LRRC9: variants seen among roughly 807,000 people sequenced by gnomAD.
LRRC9 encodes leucine rich repeat containing 9.
A neutral mutation model predicts 63.2 loss-of-function variants in LRRC9; 122 were observed. That is an observed-to-expected ratio of 1.93 (90% CI 1.67 to 2.24). The LOEUF is 2.24. LRRC9 is among the 30% of genes most tolerant of loss of function. The pLI is 0.00. For synonymous variants in LRRC9, 366 were observed against 213.1 expected (o/e 1.72, Z -6.25); for missense variants, 1,071 against 627.7 (o/e 1.71, Z -7.55).
chr14:60,031,334 A>T lies in LRRC9; in HGVS notation c.3922-661A>T, dbSNP rs1212479765. 6.6e-6 allele frequency among the ~76,000 whole-genome samples: 1 copy of T among 152,186 alleles called. No homozygotes were observed. The highest frequency in any genetic ancestry group is 2.1e-4 in the South Asian group (1 of 4,832). On this transcript the variant is annotated intron_variant, in intron 28 of 31. Coordinates refer to ENST00000445360, the Ensembl canonical transcript of LRRC9. The surrounding 1 kb of genome is among the most constrained non-coding windows in gnomAD (Gnocchi z 4.6). ...ACAAAGGAATACAGGCATGTCAATA[A>T]CTTTGTTGTGTTATATGAACTAGCA...
At chr14:60,023,522 A>G (rs557615774) in intron 27 of LRRC9, among the ~76,000 whole-genome samples, 2 of 113,856 alleles carry the variant, frequency 1.8e-5, no homozygotes, top group Admixed American at 2.1e-4. Context: ...TGATGAGAAC[A>G]AAGAATATGC....
At chr14:59,960,374 C>A (rs1313710374) in intron 9 of LRRC9, among the ~76,000 whole-genome samples, 4 of 152,170 alleles carry the variant, frequency 2.6e-5, no homozygotes, top group African/African-American at 9.7e-5. Flanking sequence ...GAAACAAGTT[C>A]AGGCTCAGTT....
At chr14:60,000,155 A>G (rs916730915) in intron 19 of LRRC9, among the ~76,000 whole-genome samples, 1 of 152,172 alleles carries the variant, frequency 6.6e-6, no homozygotes, top group African/African-American at 2.4e-5. Context: ...ACATGGATGC[A>G]GCTGGAGACC....
At chr14:60,059,105 CT>C (rs1289320296) in intron 31 of LRRC9, 1 of 152,138 alleles carries the variant, frequency 6.6e-6, no homozygotes, top group African/African-American at 2.4e-5. Context: ...CAGATACTAA[CT>C]TCCTTCTCAG....
intron 26 of LRRC9, among the ~76,000 whole-genome samples, chr14:60,021,099 C>G (rs1891083942): frequency 6.6e-6 from 1 of 151,886 alleles, no homozygotes; most frequent in African/African-American, 2.4e-5. Context: ...CACCATTTTT[C>G]ATTATCACCA....
At chr14:60,024,985 A>G (rs1891415160) in intron 27 of LRRC9, among the ~76,000 whole-genome samples, 1 of 151,936 alleles carries the variant, frequency 6.6e-6, no homozygotes, top group Non-Finnish European at 1.5e-5. Flanking sequence ...AGGCTGTGGT[A>G]GAGGGCATGA....
At chr14:60,064,517 C>A (rs147666052), downstream of LRRC9, among the ~76,000 whole-genome samples, 41 of 152,118 alleles carry the variant, frequency 2.7e-4, no homozygotes, top group African/African-American at 9.4e-4. Flanking sequence ...TTGTATTTTT[C>A]TTTTTAAATG....
chr14:59,997,720 T>G lies in LRRC9; in HGVS notation c.2276T>G (p.Leu759Arg), dbSNP rs1196414547. 7.1e-6 allele frequency: 5 copies of G among 702,692 alleles called. No homozygotes were observed. In the East Asian group the frequency reaches 1.1e-4, roughly 15 times the overall value. 43.5% of individuals were successfully genotyped at this position (702,692 alleles called of 1,614,324 possible). ...ATAACCCTTGAGGGATTTAGAGGTCTGATGAAACTGAAGCACTTAGACTTG... is the reference window on the plus strand; with the variant it reads ...ATAACCCTTGAGGGATTTAGAGGTCGGATGAAACTGAAGCACTTAGACTTG... The change falls in exon 18 of 32, where the codon CTG becomes CGG. Residue 759 changes from leucine to arginine, a missense_variant. Leu to Arg is a moderately radical substitution (Grantham distance 102, BLOSUM62 -2). Transcript: ENST00000445360.
At chr14:59,981,949 T>C (rs1274248240) in exon 16 of LRRC9, 1 of 702,524 alleles carries the variant, frequency 1.4e-6, no homozygotes, top group African/African-American at 1.7e-5. Context: ...TGAAATTTGA[T>C]GATGAAGTTA....
At position 59,938,760 on chromosome 14, in the gene LRRC9, AT is replaced by A. The variant is rs1881322455; in HGVS notation, c.726+192del. Among the ~76,000 whole-genome samples, 1 of 151,540 alleles carries A rather than the reference AT, an allele frequency of 6.6e-6. No individual in the cohort carries two copies. Among genetic ancestry groups the A allele is most frequent in the East Asian group, 1.9e-4 (1 of 5,178 alleles). ...TAATAATATTAATACTAGAATCTTA[AT>A]TTTGATGACAGTACTGGAAGGTGAA... On this transcript the variant is annotated intron_variant, in intron 7 of 31. Coordinates refer to ENST00000445360, the Ensembl canonical transcript of LRRC9. The surrounding 1 kb of genome is among the most constrained non-coding windows in gnomAD (Gnocchi z 4.2).
intron 28 of LRRC9, among the ~76,000 whole-genome samples, chr14:60,028,519 A>T (rs1891733480): frequency 6.6e-6 from 1 of 152,074 alleles, no homozygotes; most frequent in Admixed American, 6.6e-5. Flanking sequence ...GACTTGGCTT[A>T]ATATTTTATC....
At chr14:60,025,591 G>T (rs1316263885) in intron 27 of LRRC9, among the ~76,000 whole-genome samples, 2 of 151,520 alleles carry the variant, frequency 1.3e-5, no homozygotes, top group African/African-American at 2.4e-5. Context: ...CATTTATGGA[G>T]TCACTAGGCA....
intron 15 of LRRC9, 79 bp from the exon 16 acceptor site, chr14:59,981,769 C>A: frequency 1.6e-6 from 1 of 625,578 alleles, no homozygotes; most frequent in Non-Finnish European, 2.8e-6. Flanking sequence ...GTCAACTCAT[C>A]TTTTCTACAT....
At chr14:60,050,602 G>A (rs1048513368) in intron 29 of LRRC9, among the ~76,000 whole-genome samples, 1 of 152,128 alleles carries the variant, frequency 6.6e-6, no homozygotes, top group Non-Finnish European at 1.5e-5. Context: ...CCTGTTCTGT[G>A]CCCTTGCTGG....
chr14:59,925,596 C>T (rs1302423028), intron 1 of LRRC9, among the ~76,000 whole-genome samples: 1 of 152,158 alleles, frequency 6.6e-6, no homozygotes, highest in Non-Finnish European at 1.5e-5. Flanking sequence ...CAAACCGTAG[C>T]ATTCAGCATG....
downstream of LRRC9, among the ~76,000 whole-genome samples, chr14:60,066,226 T>C (rs757599941): frequency 6.6e-6 from 1 of 151,848 alleles, no homozygotes; most frequent in East Asian, 1.9e-4. Flanking sequence ...TATGTATGTG[T>C]GTTTGCAGGC....
At chr14:59,925,001 G>C (rs547035568) in intron 1 of LRRC9, among the ~76,000 whole-genome samples, 371 of 147,398 alleles carry the variant, frequency 2.5e-3, no homozygotes, top group Non-Finnish European at 3.6e-3. Context: ...TCATTTCTTT[G>C]CCCAGATTCC....
intron 23 of LRRC9, among the ~76,000 whole-genome samples, chr14:60,009,316 G>A (rs1890067788): frequency 6.6e-6 from 1 of 152,152 alleles, no homozygotes; most frequent in Non-Finnish European, 1.5e-5. Context: ...ACATGGCTGG[G>A]GAGGCCTCAC....
At chr14:59,959,656 G>A (rs985871414) in intron 8 of LRRC9, among the ~76,000 whole-genome samples, 162 bp from the exon 9 acceptor site, 1 of 152,126 alleles carries the variant, frequency 6.6e-6, no homozygotes, top group Non-Finnish European at 1.5e-5. Context: ...TGTTTGGCAT[G>A]TTTTTATGAC....
Sources: gnomAD v4.1 joint callset for allele counts (sites outside exome capture counted in the v4.1 genomes callset) on GRCh38, gnomAD v4.1.1 for gene constraint, Gnocchi (gnomAD v3.1) non-coding constraint, MANE v1.5 for transcripts, NCBI Gene and HGNC (gene_info 2026-07-23, HGNC 2026-07-21) for gene names.